Variants in TMEM41B observed in about 807,000 individuals in gnomAD.
TMEM41B encodes protein stasimon.
In TMEM41B, 18 loss-of-function variants were observed where a neutral mutation model predicts 31.9. The ratio of observed to expected loss-of-function variants is 0.56; its 90% confidence interval spans 0.39 to 0.84. TMEM41B has a LOEUF of 0.84. TMEM41B is among the 40% of genes least tolerant of loss of function. The pLI, the probability that TMEM41B is intolerant of heterozygous loss-of-function variation, is 0.00. For synonymous variants in TMEM41B, 144 were observed against 124.3 expected (o/e 1.16, Z -1.05); for missense variants, 322 against 348.0 (o/e 0.93, Z 0.59).
At chr11:9,307,587 C>A (rs1853431411) in intron 1 of TMEM41B, among the ~76,000 whole-genome samples, 1 of 151,716 alleles carries the variant, frequency 6.6e-6, no homozygotes, top group African/African-American at 2.4e-5. Context: ...GGATTACAGG[C>A]GTGGGCCACC....
intron 3 of TMEM41B, among the ~76,000 whole-genome samples, chr11:9,290,564 A>G (rs1852934051): frequency 6.7e-6 from 1 of 149,550 alleles, no homozygotes; most frequent in Admixed American, 6.7e-5. Context: ...AAAAAAAAAA[A>G]GAAAGAAAAG....
intron 6 of TMEM41B, among the ~76,000 whole-genome samples, chr11:9,285,840 G>C (rs1472111286): frequency 6.6e-6 from 1 of 152,048 alleles, no homozygotes; most frequent in East Asian, 1.9e-4. Context: ...GAAAGGGCTG[G>C]GTGCGGTGGC....
intron 3 of TMEM41B, among the ~76,000 whole-genome samples, chr11:9,290,089 G>C (rs1368240729): frequency 6.6e-6 from 1 of 151,860 alleles, no homozygotes; most frequent in African/African-American, 2.4e-5. Flanking sequence ...GGTTAAGATT[G>C]TACTATATGG....
At chr11:9,301,535 T>G (rs1245092862) in intron 1 of TMEM41B, among the ~76,000 whole-genome samples, 3 of 152,126 alleles carry the variant, frequency 2.0e-5, no homozygotes, top group Non-Finnish European at 4.4e-5. Flanking sequence ...TTTACAAATG[T>G]GTATTAGACA....
intron 5 of TMEM41B, 59 bp from the exon 6 acceptor site, chr11:9,286,652 T>A (rs1357616285): frequency 1.3e-6 from 2 of 1,492,098 alleles, no homozygotes; most frequent in Non-Finnish European, 1.8e-6. Context: ...ATAAGTTGCT[T>A]AATATAAACA....
In TMEM41B at chr11:9,283,503, ATT is replaced by A. The variant is rs1223096606; in HGVS notation, c.795_796del (p.Phe267TyrfsTer24). 1 of 1,613,772 alleles carries A rather than the reference ATT, an allele frequency of 6.2e-7. No individual in the cohort carries two copies. Among genetic ancestry groups the A allele is most frequent in the South Asian group, 1.1e-5 (1 of 91,018 alleles). ...AACAGCCAAGATCATCAGAATAAAT[ATT>A]GAGTTCCAGGAAACAGCTTCTCCTG... On this transcript the variant is annotated frameshift_variant, in exon 7 of 7. Coordinates refer to ENST00000528080, the MANE Select transcript of TMEM41B (RefSeq NM_015012.4). LOFTEE classifies it high-confidence loss of function.
At chr11:9,289,645 G>C (rs1322889000) in intron 3 of TMEM41B, among the ~76,000 whole-genome samples, 4 of 152,110 alleles carry the variant, frequency 2.6e-5, no homozygotes, top group Admixed American at 2.6e-4. Flanking sequence ...CACTTCCTCA[G>C]AGGAGATTCT....
Position 9,306,566 on chromosome 11 carries a change from G to A in TMEM41B, c.122-6865C>T, listed in dbSNP as rs529535666. 1.3e-3 allele frequency among the ~76,000 whole-genome samples: 201 copies of A among 152,020 alleles called. 2 individuals are homozygous for A. Among genetic ancestry groups the A allele is most frequent in the African/African-American group, 4.8e-3 (200 of 41,494 alleles). On this transcript the variant is annotated intron_variant, in intron 1 of 6. Transcript: ENST00000528080. ...CCGGGCACAGTGGCGGGCGCCTGTA[G>A]TCCCAGCTACTCAGGATGCTGAGGC...
chr11:9,283,977 T>C (rs1475871729), intron 6 of TMEM41B, among the ~76,000 whole-genome samples: 2 of 150,504 alleles, frequency 1.3e-5, no homozygotes, highest in Non-Finnish European at 3.0e-5. Context: ...AGAGATGGGG[T>C]TTCTCCATGT....
chr11:9,295,438 T>C, intron 2 of TMEM41B, 51 bp from the exon 3 acceptor site: 1 of 1,090,594 alleles, frequency 9.2e-7, no homozygotes, highest in Non-Finnish European at 1.3e-6. Context: ...CAAGATAATA[T>C]CAAAGTCAAG....
In TMEM41B at chr11:9,291,990, G is replaced by C. The variant is rs1852970989; in HGVS notation, c.368+3269C>G. 2.6e-5 allele frequency among the ~76,000 whole-genome samples: 4 copies of C among 152,156 alleles called. No individual in the cohort carries two copies. In the South Asian group the frequency reaches 8.3e-4, roughly 32 times the overall value. ...CAAAGTACTGGAATTATAGGTGTTA[G>C]CCACCGTGCCTGGCCTCCTTTTCTT... On this transcript the variant is annotated intron_variant, in intron 3 of 6. Transcript: ENST00000528080.
At chr11:9,285,293 C>A (rs1852812161) in intron 6 of TMEM41B, among the ~76,000 whole-genome samples, 1 of 152,030 alleles carries the variant, frequency 6.6e-6, no homozygotes, top group Non-Finnish European at 1.5e-5. Flanking sequence ...CCATATTGGC[C>A]AGGCTGGTCT....
intron 2 of TMEM41B, among the ~76,000 whole-genome samples, chr11:9,296,603 C>CAAAAAAAAAAA (rs1164835040): frequency 1.7e-5 from 2 of 118,900 alleles, no homozygotes; most frequent in African/African-American, 7.2e-5. Context: ...GACTCCGTCT[C>CAAAAAAAAAAA]AAAAAAAAAA....
intron 2 of TMEM41B, among the ~76,000 whole-genome samples, chr11:9,296,325 A>G (rs983612984): frequency 2.0e-5 from 3 of 152,088 alleles, no homozygotes; most frequent in Non-Finnish European, 4.4e-5. Context: ...TAACTTGAAT[A>G]TAAGAAATGA....
intron 6 of TMEM41B, among the ~76,000 whole-genome samples, chr11:9,283,999 G>T (rs1476127417): frequency 6.6e-6 from 1 of 151,768 alleles, no homozygotes; most frequent in African/African-American, 2.4e-5. Context: ...GGTCAGAATG[G>T]TCTCAAACTC....
At position 9,303,677 on chromosome 11, in the gene TMEM41B, A is replaced by C. The variant is rs147649845; in HGVS notation, c.122-3976T>G. Among the ~76,000 whole-genome samples the C allele has an allele frequency of 4.4e-3, 550 of 125,624 alleles. 8 individuals carry two copies. The highest frequency in any genetic ancestry group is 0.016 in the African/African-American group (529 of 32,730). 82.4% of individuals were successfully genotyped at this position (125,624 alleles called of 152,430 possible). On this transcript the variant is annotated intron_variant, in intron 1 of 6. Transcript: ENST00000528080. ...TTTTTTTTTTTTTTTTTTTTGAGAC[A>C]GAGTCTTGCTCTGTGGCCCAGCCTC...
At chr11:9,305,435 C>T (rs1361611557) in intron 1 of TMEM41B, among the ~76,000 whole-genome samples, 1 of 152,088 alleles carries the variant, frequency 6.6e-6, no homozygotes, top group East Asian at 1.9e-4. Flanking sequence ...CCTGTCTCTA[C>T]TAAAAATATA....
At chr11:9,284,938 A>C (rs1274990226) in intron 6 of TMEM41B, among the ~76,000 whole-genome samples, 1 of 152,110 alleles carries the variant, frequency 6.6e-6, no homozygotes, top group Non-Finnish European at 1.5e-5. Context: ...AAATTAACTA[A>C]ATCTCTGGCT....
At chr11:9,306,566 G>C (rs529535666) in intron 1 of TMEM41B, among the ~76,000 whole-genome samples, 1 of 151,904 alleles carries the variant, frequency 6.6e-6, no homozygotes, top group East Asian at 1.9e-4. Context: ...GGCGCCTGTA[G>C]TCCCAGCTAC....
Sources: allele counts gnomAD v4.1 joint callset (sites outside exome capture counted in the v4.1 genomes callset), GRCh38; gene constraint gnomAD v4.1.1; transcripts MANE v1.5; gene names NCBI Gene and HGNC (gene_info 2026-07-23, HGNC 2026-07-21).